BBS5: variants seen among roughly 807,000 people sequenced by gnomAD.
BBS5 encodes BBSome complex member BBS5.
In BBS5, 39 loss-of-function variants were observed where a neutral mutation model predicts 50.2. That is an observed-to-expected ratio of 0.78 (90% CI 0.60 to 1.01). BBS5 has a LOEUF of 1.01. BBS5 is among the 50% of genes least tolerant of loss of function. The pLI is 0.00. For missense variants in BBS5, 356 were observed against 401.5 expected (o/e 0.89, Z 0.97); for synonymous variants, 134 against 133.1 (o/e 1.01, Z -0.05).
intron 2 of BBS5, among the ~76,000 whole-genome samples, chr2:169,483,131 A>C (rs1021986567): frequency 6.6e-6 from 1 of 152,176 alleles, no homozygotes; most frequent in African/African-American, 2.4e-5. Flanking sequence ...GAAAGGGGGA[A>C]TCAATAACTC....
intron 9 of BBS5, among the ~76,000 whole-genome samples, chr2:169,502,455 A>G (rs1683826997): frequency 6.6e-6 from 1 of 152,192 alleles, no homozygotes; most frequent in Non-Finnish European, 1.5e-5. Flanking sequence ...ATATTTTATC[A>G]TTTTGACTGA....
chr2:169,482,954 C>CAGTA (rs1385556867), intron 2 of BBS5, among the ~76,000 whole-genome samples: 1 of 151,932 alleles, frequency 6.6e-6, no homozygotes, highest in Non-Finnish European at 1.5e-5. Context: ...AGCCAGTGAC[C>CAGTA]AGTAGGTCTT....
Position 169,505,069 on chromosome 2 carries a change from C to G in BBS5, c.*487C>G. On this transcript the variant is annotated 3_prime_UTR_variant, in exon 12 of 12. Coordinates refer to ENST00000295240, the MANE Select transcript of BBS5 (RefSeq NM_152384.3). ...CAACCTCCCTGCCTGATTCTCCTGCCTCAGCCTGCCGAGTGCCTGCGATTA... is the reference window on the plus strand; with the variant it reads ...CAACCTCCCTGCCTGATTCTCCTGCGTCAGCCTGCCGAGTGCCTGCGATTA... 1.5e-6 allele frequency: 2 copies of G among 1,354,578 alleles called. No homozygotes were observed. The highest frequency in any genetic ancestry group is 4.6e-5 in the East Asian group (2 of 43,096). 83.9% of individuals were successfully genotyped at this position (1,354,578 alleles called of 1,614,324 possible).
chr2:169,495,432 G>A (rs769908203), intron 7 of BBS5, among the ~76,000 whole-genome samples: 7 of 152,146 alleles, frequency 4.6e-5, no homozygotes, highest in Non-Finnish European at 7.4e-5. Flanking sequence ...TATGGCGTCT[G>A]GAATTAATTC....
intron 8 of BBS5, among the ~76,000 whole-genome samples, 164 bp downstream of exon 8, chr2:169,497,853 G>A (rs1009433425): frequency 1.3e-5 from 2 of 152,160 alleles, no homozygotes; most frequent in African/African-American, 4.8e-5. Context: ...ATTGTCCCCA[G>A]AGGAAGAATC....
Position 169,503,183 on chromosome 2 carries a change from G to A in BBS5, c.900+5G>A. ...GGTCACACGGATGCTTTTGTGGTGA[G>A]CATCACAAAGGACAGCATTAAATTT... On this transcript the variant is annotated splice_donor_5th_base_variant and intron_variant, in intron 10 of 11. Transcript: ENST00000295240. 6.3e-7 allele frequency: 1 copy of A among 1,599,352 alleles called. No individual in the cohort carries two copies. Among genetic ancestry groups the A allele is most frequent in the African/African-American group, 1.3e-5 (1 of 74,704 alleles).
intron 8 of BBS5, 163 bp from the exon 9 acceptor site, chr2:169,499,306 CCTTGTGCTCTTCTGTTT>C (rs1249329061): frequency 1.7e-6 from 1 of 601,344 alleles, no homozygotes; most frequent in Admixed American, 3.1e-5. Context: ...GTGGAGGCCC[CCTTGTGCTCTTCTGTTT>C]TTGTATGTGC....
chr2:169,494,439 G>A (rs949698747), intron 7 of BBS5, among the ~76,000 whole-genome samples: 13 of 152,114 alleles, frequency 8.5e-5, no homozygotes, highest in African/African-American at 3.1e-4. Flanking sequence ...AAATCAGGCT[G>A]GGCATGGTGG....
rs768244645 is a variant in BBS5, at chr2:169,502,969, TAAC to T, written c.817-123_817-121del. 1.4e-4 allele frequency: 102 copies of T among 753,036 alleles called. 1 individual carries two copies. The highest frequency in any genetic ancestry group is 3.8e-4 in the Admixed American group (17 of 44,548). 46.6% of individuals were successfully genotyped at this position (753,036 alleles called of 1,614,324 possible). ...ATTACTTGTTAGTTTTTTAATAAAATAACAAATTATACCGTGATTTTTATAAGA... is the reference window on the plus strand; with the variant it reads ...ATTACTTGTTAGTTTTTTAATAAAATAAATTATACCGTGATTTTTATAAGA... On this transcript the variant is annotated intron_variant, in intron 9 of 11. Coordinates refer to ENST00000295240, the MANE Select transcript of BBS5 (RefSeq NM_152384.3).
intron 9 of BBS5, among the ~76,000 whole-genome samples, chr2:169,502,352 T>C (rs908220411): frequency 2.0e-5 from 3 of 152,234 alleles, no homozygotes; most frequent in Non-Finnish European, 2.9e-5. Flanking sequence ...TACTTGCACA[T>C]AGTCACACAA....
chr2:169,503,691 T>TG (rs1683849216), intron 10 of BBS5, among the ~76,000 whole-genome samples: 1 of 152,234 alleles, frequency 6.6e-6, no homozygotes, highest in African/African-American at 2.4e-5. Context: ...TGTTTTGAAA[T>TG]GGACATGTAT....
At chr2:169,500,377 A>T in intron 9 of BBS5, among the ~76,000 whole-genome samples, 1 of 152,180 alleles carries the variant, frequency 6.6e-6, no homozygotes, top group East Asian at 1.9e-4. Flanking sequence ...TGTCTGCTCT[A>T]TCACTGGGAC....
chr2:169,496,276 T>A (rs1228472645), intron 7 of BBS5, among the ~76,000 whole-genome samples: 1 of 152,198 alleles, frequency 6.6e-6, no homozygotes, highest in African/African-American at 2.4e-5. Context: ...GGTTTCACCA[T>A]CTATCTTCCA....
At position 169,506,114 on chromosome 2, in the gene BBS5, G is replaced by T. The variant is rs1339944825; in HGVS notation, c.*1532G>T. The T allele has an allele frequency of 6.8e-6, 1 of 146,204 alleles. No individual in the cohort carries two copies. Among genetic ancestry groups the T allele is most frequent in the Non-Finnish European group, 1.5e-5 (1 of 67,428 alleles). 9.1% of individuals were successfully genotyped at this position (146,204 alleles called of 1,614,324 possible). A position where few individuals can be genotyped will look rare whatever the true frequency, so the allele number is the denominator to read the frequency against. ...GCCCCTCTGCCCGGCCAGCCGCCCC[G>T]TCCAGGAGGGAGGTGGGGGGGTCAG... On this transcript the variant is annotated 3_prime_UTR_variant, in exon 12 of 12. Transcript: ENST00000295240.
At position 169,504,807 on chromosome 2, in the gene BBS5, C is replaced by G; in HGVS notation, c.*225C>G. On this transcript the variant is annotated 3_prime_UTR_variant, in exon 12 of 12. Transcript: ENST00000295240. ...ACATGGCCTAGTAACCGTCCGGCCG[C>G]GGCGCTGGCTTAAGCCATGGCTGAG... 5 of 1,561,176 alleles carry G rather than the reference C, an allele frequency of 3.2e-6. No individual in the cohort carries two copies. In the South Asian group the frequency reaches 3.5e-5, roughly 11 times the overall value.
At chr2:169,496,738 G>A (rs1300816085) in intron 7 of BBS5, among the ~76,000 whole-genome samples, 2 of 151,814 alleles carry the variant, frequency 1.3e-5, no homozygotes, top group Non-Finnish European at 1.5e-5. Context: ...GCATAGTGGC[G>A]GGCGCCTGTA....
intron 2 of BBS5, among the ~76,000 whole-genome samples, chr2:169,485,815 G>C (rs1683478401): frequency 6.6e-6 from 1 of 152,210 alleles, no homozygotes; most frequent in African/African-American, 2.4e-5. Flanking sequence ...GGAGTTTGAG[G>C]TCTGGGTATT....
At chr2:169,498,282 A>C (rs1285784561) in intron 8 of BBS5, among the ~76,000 whole-genome samples, 2 of 152,208 alleles carry the variant, frequency 1.3e-5, no homozygotes, top group Non-Finnish European at 2.9e-5. Context: ...GTCTCATGAT[A>C]GTAGGTTTCA....
intron 8 of BBS5, 180 bp from the exon 9 acceptor site, chr2:169,499,306 C>A (rs948117227): frequency 8.3e-6 from 5 of 601,226 alleles, no homozygotes; most frequent in Non-Finnish European, 1.4e-5. Flanking sequence ...GTGGAGGCCC[C>A]CTTGTGCTCT....
Sources: gnomAD v4.1 joint callset for allele counts (sites outside exome capture counted in the v4.1 genomes callset) on GRCh38, gnomAD v4.1.1 for gene constraint, MANE v1.5 for transcripts, NCBI Gene and HGNC (gene_info 2026-07-23, HGNC 2026-07-21) for gene names.